Variants in SRD5A2 observed in about 807,000 individuals in gnomAD.
SRD5A2 encodes the protein steroid 5 alpha-reductase 2.
A neutral mutation model predicts 27.4 loss-of-function variants in SRD5A2; 30 were observed. The ratio of observed to expected loss-of-function variants is 1.10; its 90% confidence interval spans 0.82 to 1.49. The LOEUF is 1.49. Among genes scored for constraint, SRD5A2 ranks in the 40% most tolerant of loss-of-function variants. The probability of loss-of-function intolerance (pLI) is 0.00; values close to 1 mark genes in which losing one functional copy is unlikely to be tolerated. For synonymous variants in SRD5A2, 141 were observed against 133.6 expected, an observed-to-expected ratio of 1.06 and a Z score of -0.38; for missense variants, 348 against 323.4, an observed-to-expected ratio of 1.08 and a Z score of -0.58.
At chr2:31,544,924 G>T (rs990192263) in intron 1 of SRD5A2, among the ~76,000 whole-genome samples, 4 of 151,658 alleles carry the variant, frequency 2.6e-5, no homozygotes, top group Admixed American at 2.6e-4. Context: ...ATGAACAATT[G>T]TACCCCCCAA....
At chr2:31,640,135 C>T in the SRD5A2 span, among the ~76,000 whole-genome samples, 2 of 150,894 alleles carry the variant, frequency 1.3e-5, no homozygotes, top group African/African-American at 4.9e-5. Context: ...CTATTTAGAG[C>T]CTCTAAAGAG....
chr2:31,581,000 T>G (rs542722273), upstream of SRD5A2: 20 of 1,349,984 alleles, frequency 1.5e-5, no homozygotes, highest in East Asian at 5.1e-4. Flanking sequence ...GTCCGCCCCC[T>G]CGGCCTTGGC....
At chr2:31,591,089 A>T in the SRD5A2 span, among the ~76,000 whole-genome samples, 1 of 152,260 alleles carries the variant, frequency 6.6e-6, no homozygotes, top group South Asian at 2.1e-4. Context: ...GACAAATGGG[A>T]TCTAATTAAA....
intron 1 of SRD5A2, among the ~76,000 whole-genome samples, chr2:31,537,739 C>G (rs1182119261): frequency 6.6e-6 from 1 of 152,106 alleles, no homozygotes; most frequent in Non-Finnish European, 1.5e-5. Flanking sequence ...AATTTGTGTG[C>G]TGGAAATTTA....
At chr2:31,599,362 A>C in the SRD5A2 span, among the ~76,000 whole-genome samples, 1 of 152,034 alleles carries the variant, frequency 6.6e-6, no homozygotes, top group Non-Finnish European at 1.5e-5. Flanking sequence ...AATATACTTT[A>C]TTTTCCTCAG....
At chr2:31,578,995 T>C (rs1667015045) in intron 1 of SRD5A2, among the ~76,000 whole-genome samples, 1 of 152,252 alleles carries the variant, frequency 6.6e-6, no homozygotes, top group Admixed American at 6.5e-5. Context: ...TTCTGTCAAA[T>C]GTCTGTTCAA....
the SRD5A2 span, among the ~76,000 whole-genome samples, chr2:31,641,220 C>T: frequency 1.3e-5 from 2 of 152,052 alleles, no homozygotes; most frequent in Non-Finnish European, 2.9e-5. Flanking sequence ...TATATTTAAA[C>T]TTCTGAAGAC....
At chr2:31,626,185 T>C in the SRD5A2 span, among the ~76,000 whole-genome samples, 1 of 152,294 alleles carries the variant, frequency 6.6e-6, no homozygotes, top group South Asian at 2.1e-4. Flanking sequence ...TAAGAATGCT[T>C]GTGATTTTTC....
At chr2:31,622,929 C>T in the SRD5A2 span, among the ~76,000 whole-genome samples, 1 of 152,088 alleles carries the variant, frequency 6.6e-6, no homozygotes. Context: ...TTTCACTCAG[C>T]TCCTGAGGCA....
intron 1 of SRD5A2, among the ~76,000 whole-genome samples, chr2:31,550,397 CAA>C (rs76664522): frequency 3.7e-5 from 5 of 133,482 alleles, no homozygotes; most frequent in Admixed American, 7.5e-5. Flanking sequence ...TACCCTAATC[CAA>C]AAAAAAAAAA....
the SRD5A2 span, among the ~76,000 whole-genome samples, chr2:31,647,814 T>C: frequency 6.6e-6 from 1 of 152,238 alleles, no homozygotes; most frequent in Non-Finnish European, 1.5e-5. Flanking sequence ...ATCTTGAAGA[T>C]AATGCCTCTA....
At chr2:31,553,683 A>C (rs1015046326) in intron 1 of SRD5A2, among the ~76,000 whole-genome samples, 1 of 152,212 alleles carries the variant, frequency 6.6e-6, no homozygotes, top group African/African-American at 2.4e-5. Context: ...ACACCACAGA[A>C]TACTACTCTG....
chr2:31,538,593 C>A (rs573803736), intron 1 of SRD5A2, among the ~76,000 whole-genome samples: 67 of 152,264 alleles, frequency 4.4e-4, no homozygotes, highest in Non-Finnish European at 4.4e-4. Context: ...TAAATGAAAG[C>A]CCAAATTCTT....
chr2:31,566,393 A>G (rs1236608947), intron 1 of SRD5A2, among the ~76,000 whole-genome samples: 2 of 152,190 alleles, frequency 1.3e-5, no homozygotes, highest in African/African-American at 4.8e-5. Flanking sequence ...CAAAATCAAT[A>G]GTGAAACTCA....
At chr2:31,548,725 C>T (rs11690596) in intron 1 of SRD5A2, among the ~76,000 whole-genome samples, 28,892 of 152,064 alleles carry the variant, frequency 0.19, 3,482 homozygotes, top group African/African-American at 0.35. Flanking sequence ...ATAGCAAATC[C>T]ACTTCTGAAT....
At chr2:31,657,988 G>A in the SRD5A2 span, among the ~76,000 whole-genome samples, 1 of 152,046 alleles carries the variant, frequency 6.6e-6, no homozygotes, top group East Asian at 1.9e-4. Flanking sequence ...ACACAGGCTG[G>A]AAACAAAACC....
At position 31,580,819 on chromosome 2, in the gene SRD5A2, C is replaced by T. The variant is rs375737257; in HGVS notation, c.82G>A (p.Ala28Thr). 48 of 1,612,344 alleles carry T rather than the reference C, an allele frequency of 3.0e-5. No individual in the cohort carries two copies. In the South Asian group the frequency reaches 4.6e-4, roughly 15 times the overall value. ...VALGALALYV[A>T]KPSGYGKHTE... ...TGCTTCCCGTAGCCGGAGGGCTTCG[C>T]GACGTACAAGGCCAGTGCCCCAAGG... The change falls in exon 1 of 5, where the codon GCG becomes ACG. Residue 28 changes from alanine to threonine, a missense_variant. Ala to Thr is a moderately conservative substitution (Grantham distance 58). Coordinates refer to ENST00000622030, the MANE Select transcript of SRD5A2 (RefSeq NM_000348.4).
the SRD5A2 span, among the ~76,000 whole-genome samples, chr2:31,652,421 T>C: frequency 3.3e-5 from 5 of 152,086 alleles, no homozygotes; most frequent in African/African-American, 9.7e-5. Context: ...AGCAGCATAT[T>C]TCCAGCTATA....
chr2:31,585,420 G>A, upstream of SRD5A2, among the ~76,000 whole-genome samples: 1 of 151,966 alleles, frequency 6.6e-6, no homozygotes, highest in Non-Finnish European at 1.5e-5. Flanking sequence ...AAGAGGAGAG[G>A]AAAGAGTTGA....
Sources: allele counts gnomAD v4.1 joint callset (sites outside exome capture counted in the v4.1 genomes callset), GRCh38; gene constraint gnomAD v4.1.1; transcripts MANE v1.5; gene names NCBI Gene and HGNC (gene_info 2026-07-23, HGNC 2026-07-21).